UNC45B: variants seen among roughly 807,000 people sequenced by gnomAD.
The protein encoded by UNC45B is unc-45 myosin chaperone B, also known as protein unc-45 homolog B.
A neutral mutation model predicts 98.7 loss-of-function variants in UNC45B; 78 were observed. The ratio of observed to expected loss-of-function variants is 0.79; its 90% CI spans 0.66 to 0.95. UNC45B has a LOEUF of 0.95. Among genes scored for constraint, UNC45B ranks in the 40% least tolerant of loss-of-function variants. The pLI, the probability that UNC45B is intolerant of heterozygous loss-of-function variation, is 0.00. For missense variants in UNC45B, 1,225 were observed against 1,184.9 expected (o/e 1.03, Z -0.50); for synonymous variants, 462 against 480.4 (o/e 0.96, Z 0.50).
At chr17:35,164,455 A>G (rs1474280794) in intron 9 of UNC45B, 3 of 263,316 alleles carry the variant, frequency 1.1e-5, no homozygotes, top group Non-Finnish European at 2.2e-5. Context: ...TGTTGGTGGG[A>G]GGCCTTGGTT....
rs1405430665 is a variant in UNC45B at position 35,175,075 on chromosome 17, G to GAAAGAAAGAAAGAAAGAAAGAAAGAAAC, written c.1958+719_1958+720insAAGAAAGAAAGAAACAAAGAAAGAAAGA. ...AGAAAGGAAAGAAGAAAGAAAGAAA[G>GAAAGAAAGAAAGAAAGAAAGAAAGAAAC]AAAGAAAGAAAGAGAAAGAAAGAAA... On this transcript the variant is annotated intron_variant, in intron 14 of 19. Coordinates refer to ENST00000394570, the MANE Select transcript of UNC45B (RefSeq NM_001267052.2). Among the ~76,000 whole-genome samples, 101 of 115,062 alleles carry GAAAGAAAGAAAGAAAGAAAGAAAGAAAC rather than the reference G, an allele frequency of 8.8e-4. 1 individual carries two copies. In the East Asian group the frequency reaches 0.015, roughly 17 times the overall value. 75.5% of individuals were successfully genotyped at this position (115,062 alleles called of 152,430 possible).
At chr17:35,155,496 G>A (rs1227418891) in intron 7 of UNC45B, 32 bp downstream of exon 7, 1 of 1,607,882 alleles carries the variant, frequency 6.2e-7, no homozygotes, top group Non-Finnish European at 8.5e-7. Context: ...TGATTCAAGG[G>A]GATGGGGAAA....
chr17:35,149,126 G>T, intron 3 of UNC45B, 117 bp downstream of exon 3: 1 of 1,206,952 alleles, frequency 8.3e-7, no homozygotes, highest in Non-Finnish European at 1.2e-6. Context: ...CTTCAGAAGG[G>T]AGAGAACAAG....
At chr17:35,166,415 C>T (rs1487214113) in intron 9 of UNC45B, among the ~76,000 whole-genome samples, 1 of 152,116 alleles carries the variant, frequency 6.6e-6, no homozygotes, top group African/African-American at 2.4e-5. Context: ...TCAACTTTTC[C>T]TGCTGACTTC....
intron 12 of UNC45B, 21 bp downstream of exon 12, chr17:35,170,276 C>A (rs372748531): frequency 6.3e-7 from 1 of 1,585,434 alleles, no homozygotes; most frequent in Non-Finnish European, 8.6e-7. Flanking sequence ...GGGAGTCTGG[C>A]CCGACCACAA....
At chr17:35,150,264 CCT>C (rs1331389462) in intron 4 of UNC45B, 41 bp downstream of exon 4, 5 of 1,573,932 alleles carry the variant, frequency 3.2e-6, no homozygotes, top group Non-Finnish European at 4.3e-6. Flanking sequence ...CTGCCCAGCC[CCT>C]CTCTTCATTC....
chr17:35,173,897 C>G (rs1027067555), intron 13 of UNC45B, among the ~76,000 whole-genome samples: 1 of 150,616 alleles, frequency 6.6e-6, no homozygotes, highest in African/African-American at 2.4e-5. Context: ...ACTGCAAGCT[C>G]TGCCCCCGGG....
chr17:35,182,091 CTT>C (rs199562451), intron 18 of UNC45B, among the ~76,000 whole-genome samples: 2 of 144,824 alleles, frequency 1.4e-5, no homozygotes, highest in East Asian at 2.1e-4. Context: ...GGGTGGCTCA[CTT>C]TTTTTTTTTT....
chr17:35,168,436 A>G, intron 10 of UNC45B, 75 bp downstream of exon 10: 3 of 1,250,968 alleles, frequency 2.4e-6, no homozygotes, highest in Non-Finnish European at 3.1e-6. Context: ...AAAATGAATG[A>G]GTTGAGGCTG....
intron 2 of UNC45B, 76 bp from the exon 3 acceptor site, chr17:35,148,897 C>G: frequency 3.2e-6 from 5 of 1,561,748 alleles, no homozygotes; most frequent in Non-Finnish European, 3.5e-6. Context: ...TCTCCCCACA[C>G]TGTGGGGACA....
chr17:35,149,392 T>C (rs74831668), intron 3 of UNC45B, among the ~76,000 whole-genome samples: 2,561 of 152,156 alleles, frequency 0.017, 77 homozygotes, highest in African/African-American at 0.059. Context: ...TGTTGTTGTT[T>C]GTTTTGTTTT....
At chr17:35,182,134 G>A (rs562895047) in intron 18 of UNC45B, among the ~76,000 whole-genome samples, 1 of 151,004 alleles carries the variant, frequency 6.6e-6, no homozygotes, top group South Asian at 2.1e-4. Flanking sequence ...CTGTCACCCA[G>A]GGTAGAGTGC....
intron 19 of UNC45B, among the ~76,000 whole-genome samples, chr17:35,185,789 G>T (rs1418886754): frequency 3.3e-5 from 5 of 152,114 alleles, no homozygotes; most frequent in Admixed American, 3.3e-4. Context: ...CTTAGCTGAG[G>T]CCATATGGTT....
chr17:35,185,203 G>A (rs771820470), intron 19 of UNC45B, among the ~76,000 whole-genome samples: 5 of 152,204 alleles, frequency 3.3e-5, no homozygotes, highest in African/African-American at 7.2e-5. Context: ...GTCTACCCAT[G>A]TGCTTGTGGA....
rs1398391100 is a variant in UNC45B, at chr17:35,168,071, G to C, written c.1162G>C (p.Asp388His). Reference protein sequence around the residue: ...ICEEYITGKFDPQDMDKNLNA... With the variant: ...ICEEYITGKFHPQDMDKNLNA... Reference sequence around the variant, plus strand: ...TGTCCTTTGTTTTAGGGGCAAGTTTGACCCCCAGGACATGGACAAGAACTT... The same window carrying C: ...TGTCCTTTGTTTTAGGGGCAAGTTTCACCCCCAGGACATGGACAAGAACTT... Residue 388 changes from aspartate to histidine, a missense_variant, in exon 10 of 20, where the codon GAC (aspartate) becomes CAC (histidine). Asp to His is a moderately conservative substitution (Grantham distance 81). Transcript: ENST00000394570. 6.5e-7 allele frequency: 1 copy of C among 1,531,280 alleles called. No homozygotes were observed. Among genetic ancestry groups the C allele is most frequent in the Non-Finnish European group, 8.8e-7 (1 of 1,136,888 alleles). 94.9% of individuals were successfully genotyped at this position (1,531,280 alleles called of 1,614,324 possible).
At chr17:35,169,379 G>A (rs1188022644) in intron 10 of UNC45B, among the ~76,000 whole-genome samples, 2 of 152,156 alleles carry the variant, frequency 1.3e-5, no homozygotes, top group Admixed American at 1.3e-4. Flanking sequence ...TCTGACAAAA[G>A]TGAATTTTCT....
In UNC45B at chr17:35,167,280, C is replaced by T. The variant is rs1022587535; in HGVS notation, c.1152-781C>T. On this transcript the variant is annotated intron_variant, in intron 9 of 19. Transcript: ENST00000394570. Reference sequence around the variant, plus strand: ...TGTTATCTCTCTTTGGGACTTGTCTCACCTGGGGAGAGCTGTTTCACCCTT... The same window carrying T: ...TGTTATCTCTCTTTGGGACTTGTCTTACCTGGGGAGAGCTGTTTCACCCTT... Among the ~76,000 whole-genome samples, 5 of 152,186 alleles carry T rather than the reference C, an allele frequency of 3.3e-5. No individual in the cohort carries two copies. In the East Asian group the frequency reaches 5.8e-4, roughly 18 times the overall value.
At chr17:35,170,475 A>T (rs1425063843) in intron 12 of UNC45B, among the ~76,000 whole-genome samples, 1 of 143,740 alleles carries the variant, frequency 7.0e-6, no homozygotes, top group East Asian at 2.1e-4. Context: ...ACAGGAGGGC[A>T]GTTTGTTTTC....
In UNC45B at chr17:35,148,314, C is replaced by G. The variant is rs369056317; in HGVS notation, c.51C>G (p.Phe17Leu). The change falls in exon 2 of 20, where the codon TTC (phenylalanine) becomes TTG (leucine). Residue 17 changes from phenylalanine (F) to leucine (L), a missense_variant. By Grantham distance (22) the Phe-to-Leu change is conservative. Coordinates refer to ENST00000394570, the MANE Select transcript of UNC45B (RefSeq NM_001267052.2). ...VQLKEEGNRH[F>L]QLQDYKAATN... ...TGAAGGAGGAAGGAAACCGGCATTT[C>G]CAGCTCCAGGACTACAAGGCCGCCA... The G allele has an allele frequency of 1.2e-6, 2 of 1,614,034 alleles. No individual in the cohort carries two copies. The highest frequency in any genetic ancestry group is 2.2e-5 in the East Asian group (1 of 44,888).
Sources: allele counts gnomAD v4.1 joint callset (sites outside exome capture counted in the v4.1 genomes callset), GRCh38; gene constraint gnomAD v4.1.1; transcripts MANE v1.5; gene names NCBI Gene and HGNC (gene_info 2026-07-23, HGNC 2026-07-21).